SLC30A7: variants seen among roughly 807,000 people sequenced by gnomAD.
SLC30A7 encodes zinc transporter 7.
SLC30A7 carries 35 observed loss-of-function variants against 46.0 expected under a neutral mutation model. The observed-to-expected ratio is 0.76, with a 90% CI of 0.58 to 1.01. SLC30A7 has a LOEUF of 1.01. Among genes scored for constraint, SLC30A7 ranks in the 50% least tolerant of loss-of-function variants. The pLI, the probability that SLC30A7 is intolerant of heterozygous loss-of-function variation, is 0.00. For synonymous variants in SLC30A7, 147 were observed against 157.8 expected (o/e 0.93, Z 0.51); for missense variants, 464 against 451.1 (o/e 1.03, Z -0.26).
At chr1:100,959,792 G>A (rs962701793) in intron 8 of SLC30A7, among the ~76,000 whole-genome samples, 1 of 152,110 alleles carries the variant, frequency 6.6e-6, no homozygotes. Flanking sequence ...CTTTACATAG[G>A]GCATGAATAC....
chr1:100,923,894 A>ATC (rs1456634751), intron 8 of SLC30A7, among the ~76,000 whole-genome samples: 1 of 152,222 alleles, frequency 6.6e-6, no homozygotes, highest in Non-Finnish European at 1.5e-5. Flanking sequence ...ATTCTGTGAA[A>ATC]TCTGACTTTT....
intron 4 of SLC30A7, among the ~76,000 whole-genome samples, 179 bp downstream of exon 4, chr1:100,911,329 T>C (rs1010423415): frequency 1.3e-5 from 2 of 152,188 alleles, no homozygotes; most frequent in Non-Finnish European, 2.9e-5. Flanking sequence ...TATATGAATC[T>C]TCTTGGAATT....
downstream of SLC30A7, among the ~76,000 whole-genome samples, chr1:100,982,936 G>GTT (rs1657032836): frequency 6.6e-6 from 1 of 152,122 alleles, no homozygotes; most frequent in Non-Finnish European, 1.5e-5. Context: ...AGCCTCTTCT[G>GTT]TTTACACACT....
rs914827951 is a variant in SLC30A7, at chr1:100,978,527, G to A, written c.*3670G>A. On this transcript the variant is annotated 3_prime_UTR_variant, in exon 11 of 11. Coordinates refer to ENST00000357650, the MANE Select transcript of SLC30A7 (RefSeq NM_133496.5). ...CTCTCATTTTACAGATGAGAAAACC[G>A]AAGCCCAGAAAAACTCTCATTTGCT... is the stretch of plus-strand genomic sequence containing the variant. 5 of 152,098 alleles carry A rather than the reference G, an allele frequency of 3.3e-5. No homozygotes were observed. Among genetic ancestry groups the A allele is most frequent in the African/African-American group, 7.2e-5 (3 of 41,418 alleles). 9.4% of individuals were successfully genotyped at this position (152,098 alleles called of 1,614,324 possible). A position where few individuals can be genotyped will look rare whatever the true frequency, so the allele number is the denominator to read the frequency against.
At chr1:100,904,292 A>G (rs1271754856) in intron 2 of SLC30A7, among the ~76,000 whole-genome samples, 1 of 152,202 alleles carries the variant, frequency 6.6e-6, no homozygotes, top group Non-Finnish European at 1.5e-5. Context: ...AGCTGTGTCC[A>G]GTCTGTGATA....
intron 8 of SLC30A7, among the ~76,000 whole-genome samples, chr1:100,946,984 G>C (rs1157189143): frequency 6.6e-6 from 1 of 152,138 alleles, no homozygotes; most frequent in African/African-American, 2.4e-5. Context: ...GGTCTATTCA[G>C]AGATTCAACT....
At chr1:100,897,671 T>C (rs750818964) in intron 2 of SLC30A7, among the ~76,000 whole-genome samples, 1 of 152,180 alleles carries the variant, frequency 6.6e-6, no homozygotes, top group Non-Finnish European at 1.5e-5. Flanking sequence ...TATCACCAGG[T>C]TTTGTGACAT....
chr1:100,916,362 T>G (rs1332841753), intron 6 of SLC30A7, among the ~76,000 whole-genome samples: 3 of 152,076 alleles, frequency 2.0e-5, no homozygotes, highest in East Asian at 3.8e-4. Context: ...ACTTTTTGTA[T>G]TTTTAGTAGA....
intron 6 of SLC30A7, among the ~76,000 whole-genome samples, chr1:100,915,241 CTTT>C (rs1652451980): frequency 2.3e-5 from 2 of 87,144 alleles, no homozygotes; most frequent in African/African-American, 4.6e-5. Context: ...TTCTTTCTTT[CTTT>C]CTTTCTTTCT....
At position 100,912,716 on chromosome 1, in the gene SLC30A7, A is replaced by AAAAAAAAAC. The variant is rs1652188319; in HGVS notation, c.511+489_511+497dup. Among the ~76,000 whole-genome samples, 4 of 151,366 alleles carry AAAAAAAAAC rather than the reference A, an allele frequency of 2.6e-5. No homozygotes were observed. In the South Asian group the frequency reaches 8.4e-4, roughly 32 times the overall value. ...GGTGACAGAGTGAGACTCCATCTCA[A>AAAAAAAAAC]AAAAAAAACAAAAAAAACAGGCATG... On this transcript the variant is annotated intron_variant, in intron 5 of 10. Coordinates refer to ENST00000357650, the MANE Select transcript of SLC30A7 (RefSeq NM_133496.5).
chr1:100,981,932 C>T (rs1446181662), downstream of SLC30A7, among the ~76,000 whole-genome samples: 1 of 152,204 alleles, frequency 6.6e-6, no homozygotes, highest in African/African-American at 2.4e-5. Context: ...AGTATCTTTA[C>T]ATTGTGAACA....
downstream of SLC30A7, among the ~76,000 whole-genome samples, chr1:100,985,705 G>GA (rs34651937): frequency 1.9e-3 from 274 of 147,082 alleles, 1 homozygote; most frequent in Middle Eastern, 3.4e-3. Flanking sequence ...ACATTTACAT[G>GA]AAAAAAAAAA....
intron 3 of SLC30A7, among the ~76,000 whole-genome samples, chr1:100,910,253 C>T (rs916573092): frequency 2.0e-5 from 3 of 151,986 alleles, no homozygotes; most frequent in African/African-American, 7.2e-5. Context: ...GCTGTTAGCA[C>T]CCTTTGAATG....
chr1:100,961,792 G>A, intron 8 of SLC30A7, 36 bp from the exon 9 acceptor site: 1 of 1,335,882 alleles, frequency 7.5e-7, no homozygotes. Context: ...TTAGCAGAAT[G>A]TGACTTTAAT....
At chr1:100,983,783 G>A (rs1338331586), downstream of SLC30A7, among the ~76,000 whole-genome samples, 1 of 152,164 alleles carries the variant, frequency 6.6e-6, no homozygotes, top group African/African-American at 2.4e-5. Flanking sequence ...ATATAAGCAG[G>A]AGCACTTAGA....
intron 8 of SLC30A7, among the ~76,000 whole-genome samples, chr1:100,933,758 A>G (rs1256192703): frequency 1.3e-5 from 2 of 152,136 alleles, no homozygotes; most frequent in African/African-American, 2.4e-5. Flanking sequence ...ATCCTTTTTT[A>G]TGGCTGCATA....
chr1:100,920,374 T>G (rs1652863944), intron 7 of SLC30A7, among the ~76,000 whole-genome samples: 1 of 152,030 alleles, frequency 6.6e-6, no homozygotes, highest in African/African-American at 2.4e-5. Context: ...TTTAATTCAC[T>G]GCTATTTGAA....
chr1:100,977,861 C>G lies in SLC30A7; in HGVS notation c.*3004C>G, dbSNP rs748075738. ...CTCCACCTCCCGGGTTCAAGTGATTCTCCTGTCTCAGCTCCCTGAGTAACT... is the reference window on the plus strand; with the variant it reads ...CTCCACCTCCCGGGTTCAAGTGATTGTCCTGTCTCAGCTCCCTGAGTAACT... On this transcript the variant is annotated 3_prime_UTR_variant, in exon 11 of 11. Coordinates refer to ENST00000357650, the MANE Select transcript of SLC30A7 (RefSeq NM_133496.5). 5 of 152,392 alleles carry G rather than the reference C, an allele frequency of 3.3e-5. No individual in the cohort carries two copies. The highest frequency in any genetic ancestry group is 1.3e-4 in the Admixed American group (2 of 15,298). 9.4% of individuals were successfully genotyped at this position (152,392 alleles called of 1,614,324 possible).
At chr1:100,973,925 G>A (rs1656305535) in intron 10 of SLC30A7, among the ~76,000 whole-genome samples, 2 of 152,160 alleles carry the variant, frequency 1.3e-5, no homozygotes, top group Non-Finnish European at 2.9e-5. Flanking sequence ...CAGTTTGGGG[G>A]AAGTGTTGGG....
Sources: gnomAD v4.1 joint callset for allele counts (sites outside exome capture counted in the v4.1 genomes callset) on GRCh38, gnomAD v4.1.1 for gene constraint, MANE v1.5 for transcripts, NCBI Gene and HGNC (gene_info 2026-07-23, HGNC 2026-07-21) for gene names.